The following DIMT1 variants were observed in gnomAD, a reference collection of about 807,000 sequenced individuals.
DIMT1 encodes DIM1 rRNA methyltransferase and ribosome maturation factor.
A neutral mutation model predicts 43.2 loss-of-function variants in DIMT1; 36 were observed. The observed-to-expected ratio is 0.83, with a 90% CI of 0.64 to 1.10. The LOEUF (loss-of-function observed/expected upper bound fraction) is 1.10. Among genes scored for constraint, DIMT1 ranks in the 50% least tolerant of loss-of-function variants. The probability of loss-of-function intolerance (pLI) is 0.00; values close to 1 mark genes in which losing one functional copy is unlikely to be tolerated. For synonymous variants in DIMT1, 126 were observed against 130.3 expected, an observed-to-expected ratio of 0.97 and a Z score of 0.22; for missense variants, 341 against 385.3, an observed-to-expected ratio of 0.88 and a Z score of 0.96.
rs1742103967 is a variant in DIMT1 at position 62,387,730 on chromosome 5, T to G, written c.*1280A>C. ...ACAAGTGAACTCTGCAAAATAGTTTTGTGAAATTAAACAAAAAAATCTACT... is the reference window on the plus strand; with the variant it reads ...ACAAGTGAACTCTGCAAAATAGTTTGGTGAAATTAAACAAAAAAATCTACT... On this transcript the variant is annotated 3_prime_UTR_variant, in exon 12 of 12. Coordinates refer to ENST00000199320, the MANE Select transcript of DIMT1 (RefSeq NM_014473.4). 6.6e-6 allele frequency: 1 copy of G among 150,728 alleles called. No individual in the cohort carries two copies. Among genetic ancestry groups the G allele is most frequent in the Non-Finnish European group, 1.5e-5 (1 of 67,850 alleles). The allele number at this position is 150,728 out of a possible 1,614,324, so 9.3% of individuals were successfully genotyped here. A position where few individuals can be genotyped will look rare whatever the true frequency, so the allele number is the denominator to read the frequency against.
rs1742802682 is a variant in DIMT1, at chr5:62,403,773, C to T, written c.-1G>A. On this transcript the variant is annotated 5_prime_UTR_variant, in exon 1 of 12. Coordinates refer to ENST00000199320, the MANE Select transcript of DIMT1 (RefSeq NM_014473.4). The stretch of plus-strand genomic sequence containing the variant: ...TGGCCCCCGACTTGACCTTCGGCAT[C>T]TCGGCAGAAAGCGGGCCCACAGGCC... 6 of 1,610,140 alleles carry T rather than the reference C, an allele frequency of 3.7e-6. No individual in the cohort carries two copies. In the South Asian group the frequency reaches 5.5e-5, roughly 15 times the overall value.
At chr5:62,398,312 T>C (rs1269660540) in intron 6 of DIMT1, 199 bp downstream of exon 6, 1 of 557,378 alleles carries the variant, frequency 1.8e-6, no homozygotes, top group East Asian at 3.0e-5. Context: ...GGCTGTCTGG[T>C]CTCAGAAGCA....
At chr5:62,392,054 T>C in intron 10 of DIMT1, 117 bp downstream of exon 10, 1 of 1,582,520 alleles carries the variant, frequency 6.3e-7, no homozygotes, top group Non-Finnish European at 8.6e-7. Context: ...TTATATATTG[T>C]CTTTTAAGGA....
intron 6 of DIMT1, 111 bp downstream of exon 6, chr5:62,398,400 A>G: frequency 9.5e-7 from 1 of 1,058,018 alleles, no homozygotes; most frequent in South Asian, 1.4e-5. Context: ...CATTTTCTAC[A>G]AAAATTCTTC....
intron 6 of DIMT1, 148 bp downstream of exon 6, chr5:62,398,363 A>G: frequency 1.3e-6 from 1 of 747,448 alleles, no homozygotes; most frequent in Admixed American, 2.3e-5. Flanking sequence ...TCTCAATTAA[A>G]GAGAGAAAGA....
Position 62,397,206 on chromosome 5 carries a change from A to C in DIMT1, c.446+1305T>G, listed in dbSNP as rs535499571. On this transcript the variant is annotated intron_variant, in intron 6 of 11. Transcript: ENST00000199320. ...TGATCTGCCCGCCTCGGCCTCCCAGAGTGCTAGGATTATAGGTGTGAGCCA... is the reference window on the plus strand; with the variant it reads ...TGATCTGCCCGCCTCGGCCTCCCAGCGTGCTAGGATTATAGGTGTGAGCCA... 1.5e-4 allele frequency among the ~76,000 whole-genome samples: 23 copies of C among 152,064 alleles called. No individual in the cohort carries two copies. In the South Asian group the frequency reaches 4.6e-3, roughly 30 times the overall value.
At position 62,398,519 on chromosome 5, in the gene DIMT1, A is replaced by G; in HGVS notation, c.438T>C (p.Pro146=). The part of the protein sequence containing the change: ...PFVFKLLLHR[P]FFRCAILMFQ... ...AGTCTTTTGTCACAAACCTGAAAAA[A>G]GGTCGATGTAGCAACAGCTTGAAGA... Residue 146 remains proline (P), a synonymous_variant, in exon 6 of 12, where the codon CCT becomes CCC. Transcript: ENST00000199320. 1.2e-6 allele frequency: 2 copies of G among 1,612,000 alleles called. No individual in the cohort carries two copies. The highest frequency in any genetic ancestry group is 1.7e-5 in the Admixed American group (1 of 59,994).
intron 10 of DIMT1, 67 bp downstream of exon 10, chr5:62,392,100 CAACA>C: frequency 6.2e-7 from 1 of 1,604,022 alleles, no homozygotes; most frequent in South Asian, 1.1e-5. Context: ...CATGCTAGAT[CAACA>C]AGAATAAAAA....
At position 62,403,711 on chromosome 5, in the gene DIMT1, T is replaced by C; in HGVS notation, c.62A>G (p.Glu21Gly). ...ATCCGCACCTCCAGCGCTCTTCAGC[T>C]CCCGGCGCTGCTCCTGCCGCCCGCG... Reference protein sequence around the residue: ...RRRGRQEQRRELKSAGGLMFN... With the variant: ...RRRGRQEQRRGLKSAGGLMFN... Residue 21 changes from glutamate (E) to glycine (G), a missense_variant, in exon 1 of 12, where the codon GAG becomes GGG. Coordinates refer to ENST00000199320, the MANE Select transcript of DIMT1 (RefSeq NM_014473.4). The C allele has an allele frequency of 1.2e-6, 2 of 1,609,588 alleles. No homozygotes were observed. Among genetic ancestry groups the C allele is most frequent in the Non-Finnish European group, 1.7e-6 (2 of 1,178,726 alleles).
intron 6 of DIMT1, among the ~76,000 whole-genome samples, chr5:62,395,339 T>G (rs1221319141): frequency 6.6e-6 from 1 of 152,174 alleles, no homozygotes; most frequent in African/African-American, 2.4e-5. Flanking sequence ...GATGTAGACT[T>G]TTTATTCAGC....
rs766170757 is a variant in DIMT1, at chr5:62,394,037, T to G, written c.581A>C (p.Asn194Thr). Residue 194 changes from asparagine (N) to threonine (T), a missense_variant, in exon 8 of 12, where the codon AAT becomes ACT. Asn to Thr is a moderately conservative substitution (Grantham distance 65). Transcript: ENST00000199320. ...CACCTTGGGCGGTGGTCTGAAGTTATTCTTTCCCACCTGTTAATGAAAAAG... is the reference window on the plus strand; with the variant it reads ...CACCTTGGGCGGTGGTCTGAAGTTAGTCTTTCCCACCTGTTAATGAAAAAG... ...RVDHLMKVGKNNFRPPPKVES... is the reference protein window; with the variant it reads ...RVDHLMKVGKTNFRPPPKVES... The G allele has an allele frequency of 6.2e-7, 1 of 1,611,056 alleles. No homozygotes were observed. Among genetic ancestry groups the G allele is most frequent in the African/African-American group, 1.3e-5 (1 of 74,824 alleles).
chr5:62,403,547 C>T lies in DIMT1; in HGVS notation c.79+147G>A, dbSNP rs535687061. Reference sequence around the variant, plus strand: ...AGCGGCGACGCGCAGGGCCTGCGGCCGAGTCGGGGACCCACCCCTGCCTTC... The same window carrying T: ...AGCGGCGACGCGCAGGGCCTGCGGCTGAGTCGGGGACCCACCCCTGCCTTC... On this transcript the variant is annotated intron_variant, in intron 1 of 11. Transcript: ENST00000199320. 6.5e-5 allele frequency: 66 copies of T among 1,020,628 alleles called. No homozygotes were observed. The African/African-American group carries it at 9.2e-4, about 14-fold the overall frequency. 63.2% of individuals were successfully genotyped at this position (1,020,628 alleles called of 1,614,324 possible). A position where few individuals can be genotyped will look rare whatever the true frequency, so the allele number is the denominator to read the frequency against.
At chr5:62,393,253 T>A (rs1561289491) in intron 8 of DIMT1, among the ~76,000 whole-genome samples, 1 of 152,028 alleles carries the variant, frequency 6.6e-6, no homozygotes, top group East Asian at 1.9e-4. Flanking sequence ...TTTTTTTAAT[T>A]TGAAAAAATA....
At chr5:62,397,978 A>G (rs1742558274) in intron 6 of DIMT1, among the ~76,000 whole-genome samples, 2 of 152,048 alleles carry the variant, frequency 1.3e-5, no homozygotes, top group Non-Finnish European at 2.9e-5. Context: ...CATTCTTCCA[A>G]CCAGGTTTCA....
chr5:62,399,654 A>G (rs1282360254), intron 3 of DIMT1, among the ~76,000 whole-genome samples: 3 of 150,788 alleles, frequency 2.0e-5, no homozygotes, highest in Non-Finnish European at 4.4e-5. Flanking sequence ...AAAAAAAAAA[A>G]AAAGCCGGGT....
chr5:62,390,557 T>C (rs1429843067), intron 11 of DIMT1, among the ~76,000 whole-genome samples: 2 of 152,188 alleles, frequency 1.3e-5, no homozygotes, highest in Non-Finnish European at 2.9e-5. Flanking sequence ...CTATTAAGAC[T>C]AAGACTATGA....
chr5:62,402,385 G>A (rs890587045), intron 2 of DIMT1, among the ~76,000 whole-genome samples: 6 of 152,186 alleles, frequency 3.9e-5, no homozygotes, highest in Non-Finnish European at 7.3e-5. Context: ...TCTGGGATTG[G>A]CATTCTGCTT....
intron 3 of DIMT1, among the ~76,000 whole-genome samples, chr5:62,399,708 C>A (rs1011887444): frequency 2.7e-5 from 4 of 150,288 alleles, no homozygotes; most frequent in Admixed American, 6.6e-5. Flanking sequence ...AGACTGAGAC[C>A]AGCCTGGCCA....
At chr5:62,391,616 T>C (rs368349431) in intron 10 of DIMT1, 1 of 899,810 alleles carries the variant, frequency 1.1e-6, no homozygotes, top group Non-Finnish European at 1.4e-6. Context: ...AAATTGGCCT[T>C]TCTCTCTCTG....
Sources: allele counts gnomAD v4.1 joint callset (sites outside exome capture counted in the v4.1 genomes callset), GRCh38; gene constraint gnomAD v4.1.1; transcripts MANE v1.5; gene names NCBI Gene and HGNC (gene_info 2026-07-23, HGNC 2026-07-21).